DACH2: variants seen among roughly 807,000 people sequenced by gnomAD.
DACH2 encodes dachshund family transcription factor 2, also known as dachshund homolog 2.
DACH2 carries 17 observed loss-of-function variants against 35.8 expected under a neutral mutation model. The ratio of observed to expected loss-of-function variants is 0.48; its 90% CI spans 0.33 to 0.71. DACH2 has a LOEUF of 0.71. Ranked by LOEUF, DACH2 falls within the 30% of genes least tolerant of loss-of-function variation. DACH2 has a pLI of 0.02. For missense variants in DACH2, 469 were observed against 472.7 expected (o/e 0.99, Z 0.07); for synonymous variants, 195 against 177.3 (o/e 1.10, Z -0.79).
In DACH2 at chrX:86,651,929, A is replaced by T. The variant is rs146769920; in HGVS notation, c.772+762A>T. Among the ~76,000 whole-genome samples, 1,055 of 111,862 alleles carry T rather than the reference A, an allele frequency of 9.4e-3. 16 individuals are homozygous for T. The highest frequency in any genetic ancestry group is 0.033 in the African/African-American group (1,006 of 30,836). ...GGATGGACACATAAATAAAGGAAAGATTGAAGAAATATTTAATTTTATTTT... is the reference window on the plus strand; with the variant it reads ...GGATGGACACATAAATAAAGGAAAGTTTGAAGAAATATTTAATTTTATTTT... On this transcript the variant is annotated intron_variant, in intron 4 of 11. Coordinates refer to ENST00000373125, the MANE Select transcript of DACH2 (RefSeq NM_053281.3).
chrX:86,671,579 A>G (rs539892235), intron 4 of DACH2, among the ~76,000 whole-genome samples: 1 of 111,810 alleles, frequency 8.9e-6, no homozygotes, highest in South Asian at 3.7e-4. Flanking sequence ...CATGTATAAC[A>G]TGCCTGCTTC....
chrX:86,768,273 A>T (rs1465770058), intron 7 of DACH2, among the ~76,000 whole-genome samples: 1 of 111,875 alleles, frequency 8.9e-6, no homozygotes, highest in Non-Finnish European at 1.9e-5. Context: ...AAATCCTCTT[A>T]AAAATAGTAT....
intron 7 of DACH2, among the ~76,000 whole-genome samples, chrX:86,766,810 C>T (rs771565481): frequency 6.8e-4 from 76 of 111,123 alleles, no homozygotes; most frequent in Non-Finnish European, 1.2e-3. Context: ...TAGTTTTTCC[C>T]GCCAACAAGA....
chrX:86,633,593 C>T (rs148989294), intron 3 of DACH2, among the ~76,000 whole-genome samples: 3,291 of 111,384 alleles, frequency 0.03, 143 homozygotes, highest in African/African-American at 0.1. Flanking sequence ...AGGAATAATC[C>T]CTAACTCCTT....
intron 3 of DACH2, among the ~76,000 whole-genome samples, chrX:86,582,005 C>T (rs1264694695): frequency 9.0e-6 from 1 of 111,520 alleles, no homozygotes; most frequent in Non-Finnish European, 1.9e-5. Flanking sequence ...AGAAATTATG[C>T]CATCCACACT....
chrX:86,646,917 A>G (rs1452400995), intron 3 of DACH2, among the ~76,000 whole-genome samples: 1 of 109,715 alleles, frequency 9.1e-6, no homozygotes, highest in Non-Finnish European at 1.9e-5. Flanking sequence ...AGGTATATGA[A>G]AAAACATGTT....
At chrX:86,427,646 T>C (rs753201165) in intron 2 of DACH2, among the ~76,000 whole-genome samples, 2 of 111,455 alleles carry the variant, frequency 1.8e-5, no homozygotes, top group African/African-American at 6.5e-5. Context: ...ACAATTTGTT[T>C]AGAAAAAGAA....
At chrX:86,365,553 C>A (rs932182780) in intron 1 of DACH2, among the ~76,000 whole-genome samples, 5 of 111,066 alleles carry the variant, frequency 4.5e-5, no homozygotes, top group Non-Finnish European at 7.6e-5. Context: ...CAGTATCCGT[C>A]GGTATTTGGG....
chrX:86,385,875 C>T (rs1194324174), intron 2 of DACH2, among the ~76,000 whole-genome samples: 6 of 111,323 alleles, frequency 5.4e-5, no homozygotes, highest in Admixed American at 1.9e-4. Flanking sequence ...TTTTTAAATA[C>T]GCTTTTATTT....
chrX:86,451,542 C>A (rs1569405423), intron 2 of DACH2, among the ~76,000 whole-genome samples: 1 of 111,188 alleles, frequency 9.0e-6, no homozygotes, highest in Non-Finnish European at 1.9e-5. Flanking sequence ...GCTTTTTGGG[C>A]TCTTTTTTGG....
chrX:86,661,501 A>G (rs1194614016), intron 4 of DACH2, among the ~76,000 whole-genome samples: 2 of 112,626 alleles, frequency 1.8e-5, no homozygotes, highest in African/African-American at 6.4e-5. Context: ...TCCATATTGT[A>G]GCATGTATCA....
At chrX:86,153,481 A>G (rs913712174) in intron 1 of DACH2, among the ~76,000 whole-genome samples, 1 of 111,765 alleles carries the variant, frequency 8.9e-6, no homozygotes, top group African/African-American at 3.2e-5. Flanking sequence ...ACAGAGTAGC[A>G]TAATTTACTT....
intron 1 of DACH2, among the ~76,000 whole-genome samples, chrX:86,224,183 A>G (rs2032772695): frequency 9.0e-6 from 1 of 111,536 alleles, no homozygotes; most frequent in African/African-American, 3.3e-5. Flanking sequence ...TTGGAAACTG[A>G]AAATGGGAGG....
In DACH2 at chrX:86,568,883, G is replaced by C. The variant is rs1318222138; in HGVS notation, c.640+54492G>C. Among the ~76,000 whole-genome samples the C allele has an allele frequency of 1.9e-4, 21 of 111,127 alleles. No homozygotes were observed. The Admixed American group carries it at 2.0e-3, about 11-fold the overall frequency. ...CCACAGTTATGGAGACATTGATTTG[G>C]GAAGAAATTCGTTACGTCTGTCTTG... is the stretch of plus-strand genomic sequence containing the variant. On this transcript the variant is annotated intron_variant, in intron 3 of 11. Coordinates refer to ENST00000373125, the MANE Select transcript of DACH2 (RefSeq NM_053281.3).
intron 1 of DACH2, among the ~76,000 whole-genome samples, chrX:86,247,772 C>G (rs750522791): frequency 9.0e-6 from 1 of 111,181 alleles, no homozygotes; most frequent in East Asian, 2.8e-4. Flanking sequence ...CCCTGATTAA[C>G]GTAGATGGAA....
At chrX:86,822,304 T>C (rs747020224) in intron 11 of DACH2, among the ~76,000 whole-genome samples, 12 of 111,784 alleles carry the variant, frequency 1.1e-4, no homozygotes, top group Non-Finnish European at 2.1e-4. Flanking sequence ...TGTTCCAAGA[T>C]ACTCATCATT....
At chrX:86,442,391 G>GT (rs754462295) in intron 2 of DACH2, among the ~76,000 whole-genome samples, 4,195 of 70,455 alleles carry the variant, frequency 0.06, 152 homozygotes, top group East Asian at 0.19. Context: ...GTGTGTGTAT[G>GT]TTTTTTTTTT....
At chrX:86,312,880 G>A (rs992730810) in intron 1 of DACH2, among the ~76,000 whole-genome samples, 2 of 111,470 alleles carry the variant, frequency 1.8e-5, no homozygotes, top group African/African-American at 3.3e-5. Context: ...GTACAGAGTA[G>A]AATAGTGATT....
At chrX:86,507,639 G>A (rs2038343741) in intron 2 of DACH2, among the ~76,000 whole-genome samples, 1 of 111,253 alleles carries the variant, frequency 9.0e-6, no homozygotes, top group Non-Finnish European at 1.9e-5. Context: ...TAGCTGGAGT[G>A]GAGGACTCAT....
Sources: allele counts gnomAD v4.1 joint callset (sites outside exome capture counted in the v4.1 genomes callset), GRCh38; gene constraint gnomAD v4.1.1; transcripts MANE v1.5; gene names NCBI Gene and HGNC (gene_info 2026-07-23, HGNC 2026-07-21).